The following SLC38A11 variants were observed in gnomAD, a reference collection of about 807,000 sequenced individuals.
The protein encoded by SLC38A11 is solute carrier family 38 member 11.
Under a neutral mutation model 49.4 loss-of-function variants are expected in SLC38A11, and 51 were observed. The observed-to-expected ratio is 1.03, with a 90% CI of 0.83 to 1.30. The LOEUF is 1.30. Among genes scored for constraint, SLC38A11 ranks in the 50% most tolerant of loss-of-function variants. SLC38A11 has a pLI of 0.00. For missense variants in SLC38A11, 574 were observed against 556.2 expected (o/e 1.03, Z -0.32); for synonymous variants, 203 against 192.9 (o/e 1.05, Z -0.43).
In SLC38A11 at chr2:164,939,442, A is replaced by G. The variant is rs749578228; in HGVS notation, c.537+8T>C. 1 of 1,586,042 alleles carries G rather than the reference A, an allele frequency of 6.3e-7. No homozygotes were observed. The highest frequency in any genetic ancestry group is 8.6e-7 in the Non-Finnish European group (1 of 1,159,306). ...CATTTCTATGCCCATTTAAAATGTA[A>G]AAATTACCTTTCCAAGCTTTGCTAT... On this transcript the variant is annotated splice_region_variant and intron_variant, in intron 6 of 11. Transcript: ENST00000685975.
intron 7 of SLC38A11, among the ~76,000 whole-genome samples, chr2:164,920,625 G>A (rs1686127715): frequency 6.6e-6 from 1 of 152,170 alleles, no homozygotes; most frequent in Admixed American, 6.5e-5. Context: ...CAACCATGTA[G>A]AGGGAGCTCA....
At chr2:164,899,329 G>A (rs775255770) in intron 11 of SLC38A11, among the ~76,000 whole-genome samples, 1 of 152,088 alleles carries the variant, frequency 6.6e-6, no homozygotes, top group Non-Finnish European at 1.5e-5. Flanking sequence ...TGAGAAAGTT[G>A]ACAGCAGAGC....
intron 7 of SLC38A11, among the ~76,000 whole-genome samples, chr2:164,919,821 T>C (rs1450634200): frequency 6.6e-6 from 1 of 152,200 alleles, no homozygotes; most frequent in African/African-American, 2.4e-5. Context: ...CAGTTGGTTG[T>C]GTCTGCACAT....
intron 7 of SLC38A11, among the ~76,000 whole-genome samples, chr2:164,923,828 G>A (rs1300491188): frequency 6.6e-6 from 1 of 151,900 alleles, no homozygotes; most frequent in Admixed American, 6.6e-5. Flanking sequence ...AATGTTAGTG[G>A]GGCTGTGGAG....
At chr2:164,943,100 T>C (rs1282300213) in intron 5 of SLC38A11, among the ~76,000 whole-genome samples, 1 of 152,222 alleles carries the variant, frequency 6.6e-6, no homozygotes, top group Non-Finnish European at 1.5e-5. Flanking sequence ...GAAAGGTGTT[T>C]TTGCATCCAT....
rs1574728604 is a variant in SLC38A11 at position 164,902,575 on chromosome 2, A to C, written c.1096-3845T>G. 2.0e-5 allele frequency among the ~76,000 whole-genome samples: 3 copies of C among 152,294 alleles called. No individual in the cohort carries two copies. In the South Asian group the frequency reaches 6.2e-4, roughly 32 times the overall value. On this transcript the variant is annotated intron_variant, in intron 11 of 11. Transcript: ENST00000685975. ...CTATGGTTTAAAAGCTTTTTGACAC[A>C]TTATTTTGGTAAATTTTCTCCTGGG...
At chr2:164,952,592 T>G in intron 3 of SLC38A11, 115 bp downstream of exon 3, 1 of 755,854 alleles carries the variant, frequency 1.3e-6, no homozygotes, top group Non-Finnish European at 2.3e-6. Flanking sequence ...GATTCTTTGA[T>G]GCACTTTTTA....
At chr2:164,926,043 C>T (rs1281359795) in intron 7 of SLC38A11, among the ~76,000 whole-genome samples, 1 of 152,174 alleles carries the variant, frequency 6.6e-6, no homozygotes, top group Non-Finnish European at 1.5e-5. Context: ...AGCTTCTCCT[C>T]CTCTTCATTA....
chr2:164,897,337 A>C lies in SLC38A11; in HGVS notation c.*1100T>G, dbSNP rs140004693. ...ATCCTTCTCCAGATGCTCACATTAA[A>C]TGACTGATGGAGGCAGCAGTATCAA... On this transcript the variant is annotated 3_prime_UTR_variant, in exon 12 of 12. Transcript: ENST00000685975. The C allele has an allele frequency of 6.6e-6, 1 of 152,328 alleles. No homozygotes were observed. The highest frequency in any genetic ancestry group is 1.9e-4 in the East Asian group (1 of 5,172). 9.4% of individuals were successfully genotyped at this position (152,328 alleles called of 1,614,324 possible).
At position 164,944,671 on chromosome 2, in the gene SLC38A11, C is replaced by T. The variant is rs1687990876; in HGVS notation, c.365-37G>A. On this transcript the variant is annotated intron_variant, in intron 4 of 11. Transcript: ENST00000685975. ...ATTAAAATAAGAGTCATCAATAAGC[C>T]ATCTCATATTTCATCCTAAATATTT... 8.5e-6 allele frequency: 7 copies of T among 824,064 alleles called. No homozygotes were observed. In the South Asian group the frequency reaches 1.7e-4, roughly 20 times the overall value. 51.0% of individuals were successfully genotyped at this position (824,064 alleles called of 1,614,324 possible). A position where few individuals can be genotyped will look rare whatever the true frequency, so the allele number is the denominator to read the frequency against.
chr2:164,914,990 A>C, intron 9 of SLC38A11, 122 bp downstream of exon 9: 1 of 866,722 alleles, frequency 1.2e-6, no homozygotes, highest in Non-Finnish European at 1.6e-6. Context: ...GGTAGAGAGA[A>C]TGGGTGGAAG....
chr2:164,950,115 A>C, intron 3 of SLC38A11: 1 of 152,214 alleles, frequency 6.6e-6, no homozygotes, highest in East Asian at 1.9e-4. Flanking sequence ...ATGCAGCCAT[A>C]ACGTGAAATC....
intron 9 of SLC38A11, among the ~76,000 whole-genome samples, chr2:164,913,617 C>G (rs888307167): frequency 6.6e-6 from 1 of 151,820 alleles, no homozygotes; most frequent in Admixed American, 6.6e-5. Flanking sequence ...TTAATTATAT[C>G]TGAGCAATTA....
intron 11 of SLC38A11, among the ~76,000 whole-genome samples, chr2:164,902,031 CTCTT>C (rs1392467112): frequency 2.2e-5 from 3 of 137,828 alleles, no homozygotes; most frequent in African/African-American, 5.1e-5. Flanking sequence ...TGTTTTCTCT[CTCTT>C]TTTTTTTTTT....
rs572094582 is a variant in SLC38A11, at chr2:164,932,838, A to G, written c.617+4512T>C. Among the ~76,000 whole-genome samples, 9 of 152,196 alleles carry G rather than the reference A, an allele frequency of 5.9e-5. No homozygotes were observed. In the East Asian group the frequency reaches 1.5e-3, roughly 26 times the overall value. The stretch of plus-strand genomic sequence containing the variant: ...AATCGGTACAACAAACTCCCATGAT[A>G]CAAGTTTACCTATATAACAAACCTG... On this transcript the variant is annotated intron_variant, in intron 7 of 11. Transcript: ENST00000685975.
chr2:164,921,077 A>T (rs1686167257), intron 7 of SLC38A11, among the ~76,000 whole-genome samples: 2 of 152,134 alleles, frequency 1.3e-5, no homozygotes, highest in African/African-American at 4.8e-5. Flanking sequence ...AAGTTGTGGT[A>T]TTCTCCATGT....
At chr2:164,923,938 C>A (rs1471833114) in intron 7 of SLC38A11, among the ~76,000 whole-genome samples, 3 of 152,118 alleles carry the variant, frequency 2.0e-5, no homozygotes, top group Non-Finnish European at 4.4e-5. Context: ...ACAGAACTAC[C>A]ATTCAACCAA....
intron 9 of SLC38A11, among the ~76,000 whole-genome samples, chr2:164,912,945 T>G (rs1191459784): frequency 6.6e-6 from 1 of 152,076 alleles, no homozygotes; most frequent in Non-Finnish European, 1.5e-5. Context: ...GTACTTGGGC[T>G]TGCTGATTTT....
intron 7 of SLC38A11, among the ~76,000 whole-genome samples, chr2:164,930,882 C>T (rs1248113611): frequency 6.6e-6 from 1 of 152,010 alleles, no homozygotes. Flanking sequence ...TCATATTCAA[C>T]ATGGTACTGG....
Sources: allele counts gnomAD v4.1 joint callset (sites outside exome capture counted in the v4.1 genomes callset), GRCh38; gene constraint gnomAD v4.1.1; transcripts MANE v1.5; gene names NCBI Gene and HGNC (gene_info 2026-07-23, HGNC 2026-07-21).